GRID2: variants seen among roughly 807,000 people sequenced by gnomAD.
GRID2 encodes glutamate receptor ionotropic, delta-2.
In GRID2, 33 loss-of-function variants were observed where a neutral mutation model predicts 114.8. The ratio of observed to expected loss-of-function variants is 0.29; its 90% CI spans 0.22 to 0.38. GRID2 has a LOEUF of 0.38. GRID2 is among the 10% of genes least tolerant of loss of function. GRID2 has a pLI of 1.00. For missense variants in GRID2, 1,184 were observed against 1,257.7 expected, an observed-to-expected ratio of 0.94 and a Z score of 0.89; for synonymous variants, 505 against 449.9, an observed-to-expected ratio of 1.12 and a Z score of -1.55.
chr4:92,530,169 T>C lies in GRID2; in HGVS notation c.89-59962T>C, dbSNP rs983305084. Among the ~76,000 whole-genome samples, 5 of 151,942 alleles carry C rather than the reference T, an allele frequency of 3.3e-5. 1 individual carries two copies. Among genetic ancestry groups the C allele is most frequent in the South Asian group, 4.1e-4 (2 of 4,828 alleles). ...ATATCCAGCAAATGCAGAAGGATGATAGAATTAGAAAATCACCATTTTCAA... is the reference window on the plus strand; with the variant it reads ...ATATCCAGCAAATGCAGAAGGATGACAGAATTAGAAAATCACCATTTTCAA... On this transcript the variant is annotated intron_variant, in intron 1 of 15. Transcript: ENST00000282020.
intron 2 of GRID2, among the ~76,000 whole-genome samples, chr4:92,942,063 G>A (rs568515864): frequency 1.8e-4 from 28 of 152,262 alleles, no homozygotes; most frequent in Middle Eastern, 3.4e-3. Context: ...GGGGTGGAGC[G>A]TTCTGTAGAT....
chr4:92,748,631 T>TTTATTATTA (rs1560570179), intron 2 of GRID2, among the ~76,000 whole-genome samples: 38 of 125,298 alleles, frequency 3.0e-4, no homozygotes, highest in African/African-American at 1.1e-3. Flanking sequence ...TTAATTAAAT[T>TTTATTATTA]GTATTATTAT....
chr4:93,648,071 A>G (rs1464259083), intron 14 of GRID2, among the ~76,000 whole-genome samples: 2 of 152,156 alleles, frequency 1.3e-5, no homozygotes, highest in Non-Finnish European at 2.9e-5. Flanking sequence ...TTCAGCTGTC[A>G]TGCCCTTAAC....
At chr4:92,634,746 T>C (rs1348910948) in intron 2 of GRID2, among the ~76,000 whole-genome samples, 4 of 140,212 alleles carry the variant, frequency 2.9e-5, no homozygotes, top group Admixed American at 7.3e-5. Flanking sequence ...CTTTTTTTTT[T>C]CTTTTTTTTT....
chr4:92,721,160 A>G (rs1167345264), intron 2 of GRID2, among the ~76,000 whole-genome samples: 1 of 152,096 alleles, frequency 6.6e-6, no homozygotes, highest in Non-Finnish European at 1.5e-5. Context: ...GGGTGGGACA[A>G]ATGGGAAGTT....
At chr4:92,840,159 C>T (rs768078203) in intron 2 of GRID2, among the ~76,000 whole-genome samples, 14 of 151,920 alleles carry the variant, frequency 9.2e-5, no homozygotes, top group Non-Finnish European at 1.5e-4. Flanking sequence ...ATTTCCATTG[C>T]TATGAAATAT....
chr4:93,192,931 TA>T (rs1361385877), intron 4 of GRID2, among the ~76,000 whole-genome samples: 1 of 152,076 alleles, frequency 6.6e-6, no homozygotes, highest in Non-Finnish European at 1.5e-5. Flanking sequence ...CATATATTTT[TA>T]AAATGTGTTA....
chr4:92,687,946 CAGT>C (rs1015611816), intron 2 of GRID2, among the ~76,000 whole-genome samples: 8 of 149,708 alleles, frequency 5.3e-5, no homozygotes, highest in Non-Finnish European at 8.9e-5. Flanking sequence ...TGACTGATCA[CAGT>C]GGTGGTTGCT....
At chr4:93,065,304 T>C (rs1345797524) in intron 2 of GRID2, among the ~76,000 whole-genome samples, 1 of 151,902 alleles carries the variant, frequency 6.6e-6, no homozygotes, top group Non-Finnish European at 1.5e-5. Context: ...TTGTGTGTCA[T>C]TGACATTGGT....
intron 8 of GRID2, among the ~76,000 whole-genome samples, chr4:93,243,451 G>A (rs1470532772): frequency 6.6e-6 from 1 of 152,090 alleles, no homozygotes; most frequent in Non-Finnish European, 1.5e-5. Flanking sequence ...CTCAAAAGGA[G>A]TGAATGGTTT....
At chr4:92,520,942 GC>G (rs1185265740) in intron 1 of GRID2, among the ~76,000 whole-genome samples, 4 of 151,858 alleles carry the variant, frequency 2.6e-5, no homozygotes, top group African/African-American at 9.7e-5. Context: ...AGTGAATGAT[GC>G]CACTTCCATT....
intron 1 of GRID2, among the ~76,000 whole-genome samples, chr4:92,476,048 G>A (rs1722297753): frequency 7.2e-6 from 1 of 137,940 alleles, no homozygotes; most frequent in African/African-American, 2.6e-5. Flanking sequence ...TTTTGTGACG[G>A]AGTCTCTACC....
chr4:93,780,151 G>A (rs777711707), intron 1 of GRID2, among the ~76,000 whole-genome samples: 2 of 152,304 alleles, frequency 1.3e-5, no homozygotes, highest in African/African-American at 2.4e-5. Context: ...AGAAGAACAA[G>A]GAGCAAGAAG....
intron 11 of GRID2, among the ~76,000 whole-genome samples, chr4:93,478,378 G>A (rs1725524424): frequency 6.6e-6 from 1 of 151,858 alleles, no homozygotes; most frequent in African/African-American, 2.4e-5. Flanking sequence ...ATTGGGTCTG[G>A]TAAAATAAAC....
chr4:93,390,663 A>T (rs949348712), intron 8 of GRID2, among the ~76,000 whole-genome samples: 4 of 152,152 alleles, frequency 2.6e-5, no homozygotes, highest in Non-Finnish European at 4.4e-5. Context: ...ATACCAGAAG[A>T]ATTATAAAAG....
chr4:92,618,894 T>C (rs1730137549), intron 2 of GRID2, among the ~76,000 whole-genome samples: 1 of 151,802 alleles, frequency 6.6e-6, no homozygotes, highest in Non-Finnish European at 1.5e-5. Context: ...CTGAAACTTT[T>C]TGAATTTGTT....
chr4:93,339,997 G>A (rs1165870908), intron 8 of GRID2, among the ~76,000 whole-genome samples: 1 of 152,098 alleles, frequency 6.6e-6, no homozygotes, highest in African/African-American at 2.4e-5. Context: ...TGACAAGTGG[G>A]GATTATGGGT....
chr4:92,439,859 C>T (rs1484944700), intron 1 of GRID2, among the ~76,000 whole-genome samples: 1 of 145,596 alleles, frequency 6.9e-6, no homozygotes, highest in East Asian at 2.0e-4. Flanking sequence ...GAGATATCAG[C>T]TGTGATGGCT....
chr4:92,443,453 G>C (rs1455877434), intron 1 of GRID2, among the ~76,000 whole-genome samples: 2 of 151,636 alleles, frequency 1.3e-5, no homozygotes, highest in South Asian at 2.1e-4. Context: ...GTGAAGGAAG[G>C]AAGCCTAGAG....
Sources: gnomAD v4.1 joint callset for allele counts (sites outside exome capture counted in the v4.1 genomes callset) on GRCh38, gnomAD v4.1.1 for gene constraint, MANE v1.5 for transcripts, NCBI Gene and HGNC (gene_info 2026-07-23, HGNC 2026-07-21) for gene names.